The following STMN1 variants were observed in gnomAD, a reference collection of about 807,000 sequenced individuals.
The protein encoded by STMN1 is stathmin 1, also known as stathmin.
Under a neutral mutation model 19.7 loss-of-function variants are expected in STMN1, and 3 were observed. That is an observed-to-expected ratio of 0.15 (90% CI 0.07 to 0.39). The LOEUF is 0.39. Ranked by LOEUF, STMN1 falls within the 10% of genes least tolerant of loss-of-function variation. The probability of loss-of-function intolerance (pLI) is 1.00; values close to 1 mark genes in which losing one functional copy is unlikely to be tolerated. For synonymous variants in STMN1, 59 were observed against 58.9 expected, an observed-to-expected ratio of 1.00 and a Z score of -0.01; for missense variants, 99 against 176.0, an observed-to-expected ratio of 0.56 and a Z score of 2.48.
rs555918619 is a variant in STMN1, at chr1:25,906,415, ACT to A, written c.-91_-90del. 4.8e-3 allele frequency: 734 copies of A among 153,550 alleles called. 3 individuals carry two copies. The highest frequency in any genetic ancestry group is 7.6e-3 in the Non-Finnish European group (514 of 68,018). 9.5% of individuals were successfully genotyped at this position (153,550 alleles called of 1,614,324 possible). On this transcript the variant is annotated 5_prime_UTR_variant, in exon 1 of 5. Transcript: ENST00000455785. The surrounding 1 kb of genome is among the most constrained non-coding windows in gnomAD (Gnocchi z 4.5). ...TGCTCAGTCCGAGCCGCCTGACCAC[ACT>A]CTGAGCACCAACAGACCCGGGCGCG...
chr1:25,887,396 G>A, intron 4 of STMN1: 2 of 321,310 alleles, frequency 6.2e-6, no homozygotes, highest in South Asian at 7.1e-5. Flanking sequence ...TTTCCTCAGT[G>A]GGTTAACAGG....
At chr1:25,888,797 A>C (rs2048746201) in intron 4 of STMN1, among the ~76,000 whole-genome samples, 1 of 152,210 alleles carries the variant, frequency 6.6e-6, no homozygotes, top group Non-Finnish European at 1.5e-5. Context: ...TGATGATCAC[A>C]AGATGGCTGC....
chr1:25,903,549 C>T (rs1371217659), intron 3 of STMN1, 92 bp downstream of exon 3: 1 of 1,522,014 alleles, frequency 6.6e-7, no homozygotes, highest in Non-Finnish European at 9.0e-7. Context: ...CACAGTGTAG[C>T]TACAATTCTG....
chr1:25,891,331 TAAA>T (rs34481251), intron 4 of STMN1, among the ~76,000 whole-genome samples: 81 of 144,822 alleles, frequency 5.6e-4, no homozygotes, highest in Admixed American at 1.5e-3. Flanking sequence ...AACTCCATCT[TAAA>T]AAAAAAAAAA....
chr1:25,900,083 T>C (rs1472956695), downstream of STMN1: 2 of 985,546 alleles, frequency 2.0e-6, no homozygotes, highest in East Asian at 2.3e-4. Flanking sequence ...ACTTTAGAAA[T>C]AATTAAGGTT....
rs2048857540 is a variant in STMN1, at chr1:25,900,381, C to T, written c.*635G>A. On this transcript the variant is annotated 3_prime_UTR_variant, in exon 5 of 5. Coordinates refer to ENST00000455785, the MANE Select transcript of STMN1 (RefSeq NM_005563.4). ...GCTGACCTGGGCTGAGGCATCCAAA[C>T]AAAGCAGTCATTGTGGAAGGAGACA... 2 of 985,588 alleles carry T rather than the reference C, an allele frequency of 2.0e-6. No individual in the cohort carries two copies. Among genetic ancestry groups the T allele is most frequent in the South Asian group, 9.4e-5 (2 of 21,288 alleles). 61.1% of individuals were successfully genotyped at this position (985,588 alleles called of 1,614,324 possible).
intron 4 of STMN1, 31 bp from the exon 5 acceptor site, chr1:25,901,118 A>C (rs754008548): frequency 1.1e-5 from 2 of 176,648 alleles, no homozygotes; most frequent in Non-Finnish European, 2.2e-5. Context: ...GTCATCAGTC[A>C]AAAAAAAAAA....
At chr1:25,897,778 C>T (rs2048832271), downstream of STMN1, among the ~76,000 whole-genome samples, 2 of 152,154 alleles carry the variant, frequency 1.3e-5, no homozygotes, top group Non-Finnish European at 2.9e-5. Context: ...ACCTTGGGTA[C>T]GTTACTCTGC....
In STMN1 at chr1:25,904,691, A is replaced by G; in HGVS notation, c.-15T>C. The G allele has an allele frequency of 6.2e-7, 1 of 1,613,830 alleles. No individual in the cohort carries two copies. The highest frequency in any genetic ancestry group is 8.5e-7 in the Non-Finnish European group (1 of 1,179,910). On this transcript the variant is annotated 5_prime_UTR_variant, in exon 2 of 5. Coordinates refer to ENST00000455785, the MANE Select transcript of STMN1 (RefSeq NM_005563.4). ...GAAGAAGCCATGGTGAATAGAAGACAAGCGACAGGCAGTGTATTCTGCACA... is the reference window on the plus strand; with the variant it reads ...GAAGAAGCCATGGTGAATAGAAGACGAGCGACAGGCAGTGTATTCTGCACA...
At chr1:25,885,428 G>T, downstream of STMN1, 1 of 233,460 alleles carries the variant, frequency 4.3e-6, no homozygotes, top group Non-Finnish European at 8.2e-6. Context: ...CTACCATCAA[G>T]GCAAGAGTGG....
chr1:25,899,548 G>GGAATCT (rs2048849478), downstream of STMN1, among the ~76,000 whole-genome samples: 4 of 152,174 alleles, frequency 2.6e-5, no homozygotes, highest in Admixed American at 1.3e-4. Flanking sequence ...GATCATTTAA[G>GGAATCT]TAAATTTAAA....
At chr1:25,897,091 G>A (rs1180223494), downstream of STMN1, among the ~76,000 whole-genome samples, 1 of 152,098 alleles carries the variant, frequency 6.6e-6, no homozygotes, top group East Asian at 1.9e-4. Flanking sequence ...GAGGCAGGCA[G>A]ATCATGAGGT....
At position 25,903,776 on chromosome 1, in the gene STMN1, G is replaced by A. The variant is rs2048903417; in HGVS notation, c.51C>T (p.Gly17=). The change falls in exon 3 of 5, where the codon GGC becomes GGT. Residue 17 remains glycine, a synonymous_variant. Transcript: ENST00000455785. ...QVKELEKRAS[G]QAFELILSPR... Reference sequence around the variant, plus strand: ...GGCTGAGAATCAGCTCAAAAGCCTGGCCTGAGGCACGCTTCTCCAGTTCTT... The same window carrying A: ...GGCTGAGAATCAGCTCAAAAGCCTGACCTGAGGCACGCTTCTCCAGTTCTT... The A allele has an allele frequency of 1.9e-6, 3 of 1,613,464 alleles. No homozygotes were observed. Among genetic ancestry groups the A allele is most frequent in the African/African-American group, 1.3e-5 (1 of 74,996 alleles).
At chr1:25,885,617 G>A in exon 5 of STMN1, 1 of 1,394,980 alleles carries the variant, frequency 7.2e-7, no homozygotes, top group East Asian at 2.7e-5. Context: ...AAGTCTGCCT[G>A]ACCCCAAAGG....
chr1:25,901,420 C>T, intron 4 of STMN1, 71 bp downstream of exon 4: 2 of 1,500,662 alleles, frequency 1.3e-6, no homozygotes, highest in Non-Finnish European at 1.8e-6. Flanking sequence ...TTTATCAAAG[C>T]ACTTAGTTCA....
At chr1:25,894,618 T>C (rs2048803164) in intron 4 of STMN1, among the ~76,000 whole-genome samples, 1 of 152,170 alleles carries the variant, frequency 6.6e-6, no homozygotes, top group African/African-American at 2.4e-5. Context: ...ATGTTGAGGC[T>C]GCAGTGAGCT....
chr1:25,891,794 C>G (rs1288170512), intron 4 of STMN1, among the ~76,000 whole-genome samples: 1 of 152,076 alleles, frequency 6.6e-6, no homozygotes, highest in Non-Finnish European at 1.5e-5. Flanking sequence ...ATCTGCACCC[C>G]GCCACCCCCC....
chr1:25,901,721 G>A, intron 3 of STMN1, 39 bp from the exon 4 acceptor site: 8 of 1,570,728 alleles, frequency 5.1e-6, no homozygotes, highest in Non-Finnish European at 6.9e-6. Context: ...ACTCTAAAAT[G>A]TATTCAGGCT....
At chr1:25,886,700 T>C (rs7546803) in intron 4 of STMN1, among the ~76,000 whole-genome samples, 5,835 of 150,816 alleles carry the variant, frequency 0.039, 171 homozygotes, top group Non-Finnish European at 0.06. Context: ...GAGATTCTCC[T>C]GCCTCAGCCT....
Sources: gnomAD v4.1 joint callset for allele counts (sites outside exome capture counted in the v4.1 genomes callset) on GRCh38, gnomAD v4.1.1 for gene constraint, Gnocchi (gnomAD v3.1) non-coding constraint, MANE v1.5 for transcripts, NCBI Gene and HGNC (gene_info 2026-07-23, HGNC 2026-07-21) for gene names.